Variants in KANK4 observed in about 807,000 individuals in gnomAD.
The protein encoded by KANK4 is KN motif and ankyrin repeat domain-containing protein 4.
KANK4 carries 50 observed loss-of-function variants against 80.8 expected under a neutral mutation model. The observed-to-expected ratio is 0.62, with a 90% CI of 0.49 to 0.78. The LOEUF (loss-of-function observed/expected upper bound fraction) is 0.78, where lower values mean the gene tolerates loss of function less well. KANK4 is among the 30% of genes least tolerant of loss of function. KANK4 has a pLI of 0.00. For missense variants in KANK4, 1,196 were observed against 1,240.1 expected, an observed-to-expected ratio of 0.96 and a Z score of 0.53; for synonymous variants, 465 against 506.9, an observed-to-expected ratio of 0.92 and a Z score of 1.11.
At position 62,274,488 on chromosome 1, in the gene KANK4, G is replaced by C. The variant is rs1327271988; in HGVS notation, c.616C>G (p.Pro206Ala). Residue 206 changes from proline to alanine, a missense_variant, in exon 3 of 10, where the codon CCT becomes GCT. Coordinates refer to ENST00000371153, the MANE Select transcript of KANK4 (RefSeq NM_181712.5). ...EGSVCDGTFEPAEGLAGFHSS... is the reference protein window; with the variant it reads ...EGSVCDGTFEAAEGLAGFHSS... ...TGGAAACCTGCCAATCCTTCTGCAG[G>C]TTCAAAGGTGCCATCACAGACACTG... 6.2e-7 allele frequency: 1 copy of C among 1,614,222 alleles called. No individual in the cohort carries two copies. Among genetic ancestry groups the C allele is most frequent in the South Asian group, 1.1e-5 (1 of 91,084 alleles).
intron 9 of KANK4, among the ~76,000 whole-genome samples, chr1:62,241,324 T>C (rs888534882): frequency 6.6e-6 from 1 of 151,778 alleles, no homozygotes; most frequent in Non-Finnish European, 1.5e-5. Context: ...CAGGGCGGGG[T>C]AGAAGATGGC....
chr1:62,283,932 G>C (rs1672505110), intron 1 of KANK4, among the ~76,000 whole-genome samples: 1 of 152,104 alleles, frequency 6.6e-6, no homozygotes. Flanking sequence ...TCTTAGACTT[G>C]GATTTCTCTT....
chr1:62,271,526 C>A lies in KANK4; in HGVS notation c.1964G>T (p.Gly655Val). 1 of 1,614,134 alleles carries A rather than the reference C, an allele frequency of 6.2e-7. No homozygotes were observed. Among genetic ancestry groups the A allele is most frequent in the Non-Finnish European group, 8.5e-7 (1 of 1,179,998 alleles). Residue 655 changes from glycine (G) to valine (V), a missense_variant, in exon 4 of 10, where the codon GGA (glycine) becomes GTA (valine). Physicochemically the swap from Gly to Val is moderately radical, Grantham distance 109. This residue lies in a region of KANK4 where 1,154 missense variants were observed against 1,179.6 expected (regional missense o/e 0.98). Coordinates refer to ENST00000371153, the MANE Select transcript of KANK4 (RefSeq NM_181712.5). ...MKKKDYGFRA[G>V]GNGTKKNLQF... ...AAGGTTCTTTTTGGTCCCATTACCT[C>A]CTGCACGGAAGCCATAGTCTTTCTT...
intron 2 of KANK4, among the ~76,000 whole-genome samples, chr1:62,279,511 G>A (rs1364694406): frequency 6.6e-6 from 1 of 152,138 alleles, no homozygotes; most frequent in Non-Finnish European, 1.5e-5. Flanking sequence ...CCAACACATG[G>A]CCAACCTGGC....
intron 3 of KANK4, chr1:62,271,947 C>T (rs921676178): frequency 1.3e-4 from 28 of 210,018 alleles, no homozygotes; most frequent in Admixed American, 1.3e-3. Context: ...GGTCTAGCAC[C>T]CACTTCTGCT....
chr1:62,273,097 A>G (rs754206704), intron 3 of KANK4, 107 bp downstream of exon 3: 36 of 831,522 alleles, frequency 4.3e-5, no homozygotes, highest in Non-Finnish European at 6.2e-5. Context: ...AGCTGCTAAA[A>G]TCTTTTTAAA....
chr1:62,266,095 C>T (rs933679388), intron 6 of KANK4, among the ~76,000 whole-genome samples: 1 of 152,198 alleles, frequency 6.6e-6, no homozygotes, highest in Admixed American at 6.5e-5. Flanking sequence ...ACCACAGGGC[C>T]ATCGTGAGCC....
At chr1:62,281,465 G>A (rs1355491396) in intron 2 of KANK4, 84 bp downstream of exon 2, 12 of 1,532,200 alleles carry the variant, frequency 7.8e-6, no homozygotes, top group African/African-American at 1.4e-5. Flanking sequence ...GCCTTTCCTA[G>A]GCTATTTCCA....
At chr1:62,243,341 ATT>A (rs112696391) in intron 9 of KANK4, among the ~76,000 whole-genome samples, 11,530 of 146,724 alleles carry the variant, frequency 0.079, 510 homozygotes, top group African/African-American at 0.11. Flanking sequence ...GGACCAGATA[ATT>A]TTTTTTTTTT....
chr1:62,243,345 T>TC (rs1285989250), intron 9 of KANK4, among the ~76,000 whole-genome samples: 4 of 151,716 alleles, frequency 2.6e-5, no homozygotes, highest in Non-Finnish European at 5.9e-5. Context: ...CAGATAATTT[T>TC]TTTTTTTTTT....
chr1:62,269,302 G>A (rs888697116), intron 4 of KANK4, among the ~76,000 whole-genome samples: 3 of 152,174 alleles, frequency 2.0e-5, no homozygotes, highest in African/African-American at 7.2e-5. Context: ...AATGCTGGTG[G>A]TAAGATGATT....
At chr1:62,248,665 C>T (rs1301364837) in intron 8 of KANK4, among the ~76,000 whole-genome samples, 4 of 151,660 alleles carry the variant, frequency 2.6e-5, no homozygotes, top group African/African-American at 7.3e-5. Flanking sequence ...CTGCCTCAGC[C>T]GCCCAAGTAG....
chr1:62,313,866 T>C (rs985057644), intron 1 of KANK4, among the ~76,000 whole-genome samples: 2 of 144,872 alleles, frequency 1.4e-5, no homozygotes, highest in Non-Finnish European at 3.1e-5. Flanking sequence ...AAAAGTAAAA[T>C]AATAAATTTT....
At chr1:62,249,016 A>T (rs1418931736) in intron 8 of KANK4, among the ~76,000 whole-genome samples, 1 of 144,704 alleles carries the variant, frequency 6.9e-6, no homozygotes, top group Non-Finnish European at 1.5e-5. Context: ...AAAAAAAAAA[A>T]TACAAAAATT....
At chr1:62,241,514 A>G (rs1671341214) in intron 9 of KANK4, among the ~76,000 whole-genome samples, 1 of 152,202 alleles carries the variant, frequency 6.6e-6, no homozygotes, top group Non-Finnish European at 1.5e-5. Flanking sequence ...AGTCTCCACG[A>G]GGTCAAGAAC....
chr1:62,253,032 T>C, intron 8 of KANK4, 35 bp downstream of exon 8: 5 of 1,609,084 alleles, frequency 3.1e-6, no homozygotes, highest in Non-Finnish European at 4.2e-6. Flanking sequence ...TGCCCCTGCA[T>C]TTACTGAAGA....
chr1:62,238,505 CCTCGGTAGAGAAGA>C (rs1671261736), intron 9 of KANK4, 124 bp from the exon 10 acceptor site: 7 of 695,374 alleles, frequency 1.0e-5, no homozygotes. Context: ...CTTCCAGAGA[CCTCGGTAGAGAAGA>C]TTCGAATGGC....
intron 9 of KANK4, among the ~76,000 whole-genome samples, chr1:62,242,376 A>G (rs1334494814): frequency 1.3e-5 from 2 of 149,918 alleles, no homozygotes; most frequent in Non-Finnish European, 3.0e-5. Flanking sequence ...AAAAAAAAAA[A>G]AAAAAAAAAA....
At chr1:62,266,179 C>T (rs72925708) in intron 6 of KANK4, among the ~76,000 whole-genome samples, 5,431 of 152,322 alleles carry the variant, frequency 0.036, 136 homozygotes, top group South Asian at 0.086. Context: ...TCTGAGCCCC[C>T]GGCCTGCTTT....
Sources: gnomAD v4.1 joint callset for allele counts (sites outside exome capture counted in the v4.1 genomes callset) on GRCh38, gnomAD v4.1.1 for gene constraint, gnomAD v4.1.1 regional missense constraint, MANE v1.5 for transcripts, NCBI Gene and HGNC (gene_info 2026-07-23, HGNC 2026-07-21) for gene names.